The following KITLG variants were observed in gnomAD, a reference collection of about 807,000 sequenced individuals.
KITLG encodes the protein c-Kit ligand.
Under a neutral mutation model 34.1 loss-of-function variants are expected in KITLG, and 13 were observed. The ratio of observed to expected loss-of-function variants is 0.38; its 90% CI spans 0.25 to 0.61. The LOEUF is 0.61. Ranked by LOEUF, KITLG falls within the 20% of genes least tolerant of loss-of-function variation. The probability of loss-of-function intolerance (pLI) is 0.60; values close to 1 mark genes in which losing one functional copy is unlikely to be tolerated. For missense variants in KITLG, 292 were observed against 318.9 expected (o/e 0.92, Z 0.64); for synonymous variants, 110 against 104.0 (o/e 1.06, Z -0.35).
At chr12:88,516,266 T>G (rs1307572503) in intron 5 of KITLG, 68 bp downstream of exon 5, 1 of 1,357,404 alleles carries the variant, frequency 7.4e-7, no homozygotes, top group Non-Finnish European at 1.0e-6. Flanking sequence ...CAGAGGTAGA[T>G]TCTTACTACA....
chr12:88,506,987 A>G, intron 7 of KITLG, 41 bp downstream of exon 7: 1 of 1,036,454 alleles, frequency 9.6e-7, no homozygotes, highest in South Asian at 1.3e-5. Context: ...TAATTTATGT[A>G]AACATAGCAT....
chr12:88,562,249 C>G (rs1190667345), intron 1 of KITLG, among the ~76,000 whole-genome samples: 1 of 152,160 alleles, frequency 6.6e-6, no homozygotes, highest in East Asian at 1.9e-4. Flanking sequence ...ATGGTACAGA[C>G]CAAGGTACTG....
At chr12:88,509,364 A>T (rs565972786) in intron 6 of KITLG, among the ~76,000 whole-genome samples, 2 of 152,332 alleles carry the variant, frequency 1.3e-5, no homozygotes, top group African/African-American at 4.8e-5. Context: ...CTTACTAAAG[A>T]GTGAGATATT....
At chr12:88,555,446 T>C (rs1871064092) in intron 1 of KITLG, among the ~76,000 whole-genome samples, 1 of 152,134 alleles carries the variant, frequency 6.6e-6, no homozygotes, top group South Asian at 2.1e-4. Context: ...GGATTGGATA[T>C]AAACCAAAAC....
intron 4 of KITLG, among the ~76,000 whole-genome samples, chr12:88,517,985 C>A (rs534957069): frequency 9.2e-4 from 140 of 152,230 alleles, no homozygotes; most frequent in African/African-American, 3.2e-3. Flanking sequence ...TTGCTATAGA[C>A]ACAGTGTGAT....
chr12:88,497,891 A>G (rs779624915), intron 9 of KITLG, among the ~76,000 whole-genome samples: 1 of 152,190 alleles, frequency 6.6e-6, no homozygotes, highest in Non-Finnish European at 1.5e-5. Flanking sequence ...ATTTCGTTCA[A>G]TACTTCCAAC....
intron 1 of KITLG, among the ~76,000 whole-genome samples, chr12:88,565,495 C>T (rs967440363): frequency 3.9e-5 from 6 of 151,964 alleles, no homozygotes; most frequent in South Asian, 2.1e-4. Flanking sequence ...AGTGGTGGCA[C>T]GTGCCTGTAA....
chr12:88,551,896 T>C (rs149151100), intron 1 of KITLG, among the ~76,000 whole-genome samples: 1 of 152,226 alleles, frequency 6.6e-6, no homozygotes, highest in African/African-American at 2.4e-5. Flanking sequence ...ATCCCCATGG[T>C]CCTTAAAAAT....
intron 6 of KITLG, among the ~76,000 whole-genome samples, chr12:88,510,955 C>A (rs2120821290): frequency 6.6e-6 from 1 of 152,276 alleles, no homozygotes; most frequent in East Asian, 1.9e-4. Context: ...ACGTCTGTTT[C>A]TCTCTGAATG....
chr12:88,507,082 C>T lies in KITLG; in HGVS notation c.660G>A (p.Leu220=), dbSNP rs546704396. Reference sequence around the variant, plus strand: ...CAATTATAAGAGAAAACAATGCTGGCAATGCCATGGCTGCCCAGTGTAGGC... The same window carrying T: ...CAATTATAAGAGAAAACAATGCTGGTAATGCCATGGCTGCCCAGTGTAGGC... ...DSSLHWAAMA[L]PALFSLIIGF... is the part of the protein sequence containing the mutation. Residue 220 remains leucine, a synonymous_variant, in exon 7 of 10, where the codon TTG becomes TTA. Transcript: ENST00000644744. 2 of 1,613,834 alleles carry T rather than the reference C, an allele frequency of 1.2e-6. No homozygotes were observed. The highest frequency in any genetic ancestry group is 4.5e-5 in the East Asian group (2 of 44,838).
intron 5 of KITLG, among the ~76,000 whole-genome samples, chr12:88,516,101 T>C (rs536239181): frequency 1.6e-4 from 24 of 151,936 alleles, no homozygotes; most frequent in Non-Finnish European, 3.0e-4. Flanking sequence ...GGCCATCTCA[T>C]ATATTGTTTA....
Position 88,492,980 on chromosome 12 carries a change from A to C in KITLG, c.*4239T>G, listed in dbSNP as rs1009121731. On this transcript the variant is annotated 3_prime_UTR_variant, in exon 10 of 10. Coordinates refer to ENST00000644744, the MANE Select transcript of KITLG (RefSeq NM_000899.5). The stretch of plus-strand genomic sequence containing the variant: ...TTAATTAAATTTCAGTCATAATAGA[A>C]CTATTTAGAATAGTGTCGACATACA... The C allele has an allele frequency of 1.3e-5, 2 of 152,328 alleles. No homozygotes were observed. Among genetic ancestry groups the C allele is most frequent in the African/African-American group, 4.8e-5 (2 of 41,394 alleles). 9.4% of individuals were successfully genotyped at this position (152,328 alleles called of 1,614,324 possible).
intron 1 of KITLG, among the ~76,000 whole-genome samples, chr12:88,579,654 C>A (rs1482057231): frequency 6.6e-6 from 1 of 152,130 alleles, no homozygotes; most frequent in Non-Finnish European, 1.5e-5. Context: ...CTCTTTAGAG[C>A]CCACACAGAG....
chr12:88,540,968 C>G (rs1870499671), intron 2 of KITLG, among the ~76,000 whole-genome samples: 1 of 152,066 alleles, frequency 6.6e-6, no homozygotes, highest in Admixed American at 6.6e-5. Flanking sequence ...GAAATCTTCA[C>G]TATTAATGAT....
chr12:88,534,365 TC>T (rs1302857777), intron 2 of KITLG, among the ~76,000 whole-genome samples: 4 of 152,092 alleles, frequency 2.6e-5, no homozygotes, highest in African/African-American at 7.2e-5. Context: ...AATATTAGAA[TC>T]ATTGCTGCTT....
Position 88,507,080 on chromosome 12 carries a change from G to GCCCAGTGTA in KITLG, c.661_662insTACACTGGG (p.Pro221delinsLeuHisTrpAla). The GCCCAGTGTA allele has an allele frequency of 6.2e-7, 1 of 1,613,770 alleles. No homozygotes were observed. Among genetic ancestry groups the GCCCAGTGTA allele is most frequent in the Non-Finnish European group, 8.5e-7 (1 of 1,179,688 alleles). ...GCCAATTATAAGAGAAAACAATGCT[G>GCCCAGTGTA]GCAATGCCATGGCTGCCCAGTGTAG... On this transcript the variant is annotated protein_altering_variant, in exon 7 of 10. Coordinates refer to ENST00000644744, the MANE Select transcript of KITLG (RefSeq NM_000899.5).
chr12:88,572,269 T>A (rs1469965168), intron 1 of KITLG, among the ~76,000 whole-genome samples: 7 of 152,016 alleles, frequency 4.6e-5, no homozygotes, highest in Non-Finnish European at 8.8e-5. Flanking sequence ...TTAGAACAGG[T>A]CCTGACATTG....
At chr12:88,510,843 C>A (rs1024529595) in intron 6 of KITLG, among the ~76,000 whole-genome samples, 4 of 152,076 alleles carry the variant, frequency 2.6e-5, no homozygotes, top group African/African-American at 4.8e-5. Flanking sequence ...TTTCCCTAAC[C>A]CTTCTCCCAA....
intron 3 of KITLG, among the ~76,000 whole-genome samples, chr12:88,527,358 G>T (rs1007059512): frequency 1.3e-5 from 2 of 152,148 alleles, no homozygotes; most frequent in Non-Finnish European, 2.9e-5. Flanking sequence ...AAAGAAAATG[G>T]AAAGAGCCCA....
Sources: allele counts gnomAD v4.1 joint callset (sites outside exome capture counted in the v4.1 genomes callset), GRCh38; gene constraint gnomAD v4.1.1; transcripts MANE v1.5; gene names NCBI Gene and HGNC (gene_info 2026-07-23, HGNC 2026-07-21).